SHC4: variants seen among roughly 807,000 people sequenced by gnomAD.
The protein encoded by SHC4 is SHC-transforming protein 4.
Under a neutral mutation model 69.4 loss-of-function variants are expected in SHC4, and 41 were observed. The observed-to-expected ratio is 0.59, with a 90% confidence interval of 0.46 to 0.77. SHC4 has a LOEUF of 0.77. SHC4 is among the 30% of genes least tolerant of loss of function. The probability of loss-of-function intolerance (pLI) is 0.00; values close to 1 mark genes in which losing one functional copy is unlikely to be tolerated. For missense variants in SHC4, 777 were observed against 783.8 expected (o/e 0.99, Z 0.10); for synonymous variants, 318 against 299.3 (o/e 1.06, Z -0.64).
chr15:48,885,084 A>C (rs1900009590), intron 3 of SHC4, among the ~76,000 whole-genome samples: 1 of 152,362 alleles, frequency 6.6e-6, no homozygotes, highest in South Asian at 2.1e-4. Flanking sequence ...TTTTGATAAA[A>C]GTCAAAATTC....
intron 2 of SHC4, among the ~76,000 whole-genome samples, chr15:48,892,471 G>C (rs1900153917): frequency 6.6e-6 from 1 of 152,022 alleles, no homozygotes; most frequent in Non-Finnish European, 1.5e-5. Flanking sequence ...CAAATAGAAG[G>C]ATAACACAGA....
chr15:48,898,795 A>G (rs1336330752), intron 2 of SHC4, among the ~76,000 whole-genome samples: 2 of 152,184 alleles, frequency 1.3e-5, no homozygotes, highest in African/African-American at 4.8e-5. Context: ...AAACACCTAC[A>G]CCCACAAACT....
At chr15:48,896,233 T>C in intron 2 of SHC4, among the ~76,000 whole-genome samples, 1 of 132,844 alleles carries the variant, frequency 7.5e-6, no homozygotes, top group Admixed American at 7.7e-5. Context: ...TCTCCCTCCC[T>C]CCCTCCCTCT....
At chr15:48,896,094 A>T (rs1410256491) in intron 2 of SHC4, among the ~76,000 whole-genome samples, 2 of 152,134 alleles carry the variant, frequency 1.3e-5, no homozygotes, top group Non-Finnish European at 2.9e-5. Context: ...TCTCAAAAAA[A>T]ATAGTAGTTA....
chr15:48,863,663 G>C (rs1899496954), intron 6 of SHC4, among the ~76,000 whole-genome samples: 1 of 152,192 alleles, frequency 6.6e-6, no homozygotes, highest in Non-Finnish European at 1.5e-5. Context: ...TTTATCAGCA[G>C]TGTTCAAGAA....
Position 48,883,938 on chromosome 15 carries a change from T to A in SHC4, c.840+310A>T, listed in dbSNP as rs187822293. Among the ~76,000 whole-genome samples, 236 of 152,206 alleles carry A rather than the reference T, an allele frequency of 1.6e-3. 1 individual carries two copies. The highest frequency in any genetic ancestry group is 5.6e-3 in the African/African-American group (231 of 41,520). Reference sequence around the variant, plus strand: ...GGAATTGCTATCCATTTGGGGAGGGTTGGTGGAGACATCAATGACCAATTC... The same window carrying A: ...GGAATTGCTATCCATTTGGGGAGGGATGGTGGAGACATCAATGACCAATTC... On this transcript the variant is annotated intron_variant, in intron 4 of 11. Transcript: ENST00000332408.
chr15:48,862,190 T>C (rs1899458878), intron 6 of SHC4, among the ~76,000 whole-genome samples: 1 of 149,300 alleles, frequency 6.7e-6, no homozygotes, highest in South Asian at 2.1e-4. Context: ...TTTTACTGGT[T>C]TTGGGGTTTT....
chr15:48,834,181 C>A (rs1211536200), intron 11 of SHC4, among the ~76,000 whole-genome samples: 1 of 152,224 alleles, frequency 6.6e-6, no homozygotes, highest in Non-Finnish European at 1.5e-5. Context: ...TGTCATTCAT[C>A]TTCTATTGGC....
At chr15:48,830,389 A>G (rs531065083) in intron 11 of SHC4, among the ~76,000 whole-genome samples, 15 of 152,366 alleles carry the variant, frequency 9.8e-5, no homozygotes, top group Admixed American at 7.8e-4. Context: ...ATTCATTAAC[A>G]TATTTTATAG....
intron 4 of SHC4, 69 bp downstream of exon 4, chr15:48,884,178 CT>C (rs1899992845): frequency 6.8e-7 from 1 of 1,468,856 alleles, no homozygotes; most frequent in Non-Finnish European, 9.0e-7. Flanking sequence ...AAACTTTATT[CT>C]TTTCATTATC....
intron 9 of SHC4, among the ~76,000 whole-genome samples, chr15:48,849,672 T>C (rs918403871): frequency 3.3e-5 from 5 of 152,318 alleles, no homozygotes; most frequent in Non-Finnish European, 4.4e-5. Flanking sequence ...CCACAAGGCA[T>C]GCGTGGTACG....
intron 7 of SHC4, 48 bp downstream of exon 7, chr15:48,857,644 G>GCA: frequency 1.4e-6 from 2 of 1,440,878 alleles, no homozygotes; most frequent in African/African-American, 1.4e-5. Flanking sequence ...ACAGATAAAT[G>GCA]CACACATATA....
chr15:48,906,814 A>G lies in SHC4; in HGVS notation c.657-16003T>C, dbSNP rs568436741. 5.9e-5 allele frequency among the ~76,000 whole-genome samples: 9 copies of G among 152,250 alleles called. No homozygotes were observed. The South Asian group carries it at 1.9e-3, about 32-fold the overall frequency. ...TTAAGCTAGGCAATCATTTTCTGTT[A>G]CTTAAAACCCAGAAGTAAATATGCC... On this transcript the variant is annotated intron_variant, in intron 2 of 11. Coordinates refer to ENST00000332408, the MANE Select transcript of SHC4 (RefSeq NM_203349.4).
intron 6 of SHC4, 107 bp downstream of exon 6, chr15:48,867,711 G>C: frequency 2.2e-6 from 2 of 922,134 alleles, no homozygotes; most frequent in Non-Finnish European, 3.4e-6. Flanking sequence ...ATCCAGTATA[G>C]CACCCTAGTG....
At chr15:48,830,091 T>A (rs1378339343) in intron 11 of SHC4, among the ~76,000 whole-genome samples, 2 of 152,324 alleles carry the variant, frequency 1.3e-5, no homozygotes, top group East Asian at 3.9e-4. Flanking sequence ...TTGTTTTCTG[T>A]CTTAAAGCTT....
intron 1 of SHC4, among the ~76,000 whole-genome samples, chr15:48,937,625 T>TAGATAGAG (rs1901098443): frequency 6.7e-6 from 1 of 149,328 alleles, no homozygotes; most frequent in Non-Finnish European, 1.5e-5. Flanking sequence ...GATAGATAGA[T>TAGATAGAG]AGAGATATAA....
At chr15:48,878,706 A>G (rs777237797) in intron 4 of SHC4, 1 of 1,613,990 alleles carries the variant, frequency 6.2e-7, no homozygotes, top group Non-Finnish European at 8.5e-7. Context: ...CTGACCGAAG[A>G]ACTCGGCTGT....
chr15:48,828,315 T>C (rs1898729044), intron 11 of SHC4, among the ~76,000 whole-genome samples: 1 of 152,188 alleles, frequency 6.6e-6, no homozygotes, highest in Non-Finnish European at 1.5e-5. Flanking sequence ...GAGAACACTG[T>C]AGCATAGGAC....
At chr15:48,893,146 A>C (rs1900164356) in intron 2 of SHC4, among the ~76,000 whole-genome samples, 1 of 152,210 alleles carries the variant, frequency 6.6e-6, no homozygotes, top group African/African-American at 2.4e-5. Flanking sequence ...AATACTTTAC[A>C]GCATGAATAC....
Sources: gnomAD v4.1 joint callset for allele counts (sites outside exome capture counted in the v4.1 genomes callset) on GRCh38, gnomAD v4.1.1 for gene constraint, MANE v1.5 for transcripts, NCBI Gene and HGNC (gene_info 2026-07-23, HGNC 2026-07-21) for gene names.